ATP8A2: variants seen among roughly 807,000 people sequenced by gnomAD.
The protein encoded by ATP8A2 is phospholipid-transporting ATPase IB.
ATP8A2 carries 100 observed loss-of-function variants against 165.6 expected under a neutral mutation model. The observed-to-expected ratio is 0.60, with a 90% CI of 0.51 to 0.71. The LOEUF (loss-of-function observed/expected upper bound fraction) is 0.71. Ranked by LOEUF, ATP8A2 falls within the 30% of genes least tolerant of loss-of-function variation. The pLI is 0.00. For missense variants in ATP8A2, 1,227 were observed against 1,479.5 expected (o/e 0.83, Z 2.80); for synonymous variants, 543 against 548.8 (o/e 0.99, Z 0.15).
intron 1 of ATP8A2, among the ~76,000 whole-genome samples, chr13:25,432,609 T>A (rs2034646639): frequency 6.6e-6 from 1 of 152,164 alleles, no homozygotes; most frequent in Non-Finnish European, 1.5e-5. Flanking sequence ...CACCCCAGTT[T>A]TATGATGTTC....
At chr13:25,764,548 G>A (rs1264299210) in intron 25 of ATP8A2, among the ~76,000 whole-genome samples, 1 of 152,180 alleles carries the variant, frequency 6.6e-6, no homozygotes, top group African/African-American at 2.4e-5. Context: ...AAGCAGCAGC[G>A]GCAGCAGCCG....
chr13:25,418,489 G>A (rs2034200655), intron 1 of ATP8A2, among the ~76,000 whole-genome samples: 2 of 151,940 alleles, frequency 1.3e-5, no homozygotes, highest in South Asian at 4.2e-4. Context: ...TTTCCAAAAA[G>A]TTAAATCATA....
intron 1 of ATP8A2, among the ~76,000 whole-genome samples, chr13:25,425,790 A>G (rs1427413093): frequency 6.6e-6 from 1 of 152,148 alleles, no homozygotes; most frequent in African/African-American, 2.4e-5. Context: ...GTTAGCCAGG[A>G]TGGTCTCGAT....
intron 25 of ATP8A2, among the ~76,000 whole-genome samples, chr13:25,729,736 A>T (rs2043575945): frequency 6.6e-6 from 1 of 152,156 alleles, no homozygotes; most frequent in Admixed American, 6.5e-5. Context: ...AAAAGCTGAA[A>T]TGTTGATCAG....
At chr13:25,690,984 T>C (rs1172275506) in intron 24 of ATP8A2, among the ~76,000 whole-genome samples, 6 of 152,226 alleles carry the variant, frequency 3.9e-5, no homozygotes, top group Non-Finnish European at 8.8e-5. Context: ...CAAATTGTGC[T>C]GTGTTCATAC....
chr13:25,655,104 G>T (rs55732974), intron 24 of ATP8A2, among the ~76,000 whole-genome samples: 1 of 152,156 alleles, frequency 6.6e-6, no homozygotes, highest in Admixed American at 6.6e-5. Context: ...GAGGAAGTAG[G>T]CACTCACCCA....
chr13:25,686,560 C>A (rs1347163154), intron 24 of ATP8A2, among the ~76,000 whole-genome samples: 9 of 152,140 alleles, frequency 5.9e-5, no homozygotes, highest in Admixed American at 5.2e-4. Flanking sequence ...TCAGAACTCC[C>A]TGACACTGTA....
chr13:25,824,901 C>T (rs537086682), intron 27 of ATP8A2, among the ~76,000 whole-genome samples: 7 of 152,168 alleles, frequency 4.6e-5, no homozygotes, highest in Admixed American at 2.0e-4. Context: ...ACCTCTGCCT[C>T]TGCTTGCCCT....
Position 25,874,440 on chromosome 13 carries a change from A to T in ATP8A2, c.3183+12032A>T, listed in dbSNP as rs939272850. ...CTCCTATTGTATGTTCTCTTAACAC[A>T]GTTTACCTTTCGCTTGTTGTATAAT... On this transcript the variant is annotated intron_variant, in intron 33 of 36. Transcript: ENST00000381655. Among the ~76,000 whole-genome samples, 5 of 152,192 alleles carry T rather than the reference A, an allele frequency of 3.3e-5. No individual in the cohort carries two copies. In the East Asian group the frequency reaches 9.6e-4, roughly 29 times the overall value.
chr13:25,898,932 C>G (rs889632229), intron 33 of ATP8A2, among the ~76,000 whole-genome samples: 1 of 152,194 alleles, frequency 6.6e-6, no homozygotes, highest in African/African-American at 2.4e-5. Flanking sequence ...GTTTGTCACC[C>G]CTTTCTTTGA....
intron 20 of ATP8A2, among the ~76,000 whole-genome samples, chr13:25,578,485 G>T (rs944335102): frequency 1.3e-5 from 2 of 152,130 alleles, no homozygotes; most frequent in Non-Finnish European, 2.9e-5. Flanking sequence ...CTCCTTCTGC[G>T]CAAACGCCTG....
At chr13:26,011,858 C>G (rs1411520007) in intron 35 of ATP8A2, among the ~76,000 whole-genome samples, 1 of 152,080 alleles carries the variant, frequency 6.6e-6, no homozygotes, top group Non-Finnish European at 1.5e-5. Flanking sequence ...TTGCTTGAGC[C>G]CAGGAGTTCG....
intron 25 of ATP8A2, among the ~76,000 whole-genome samples, chr13:25,729,317 C>T (rs190645080): frequency 2.6e-5 from 4 of 152,314 alleles, no homozygotes; most frequent in African/African-American, 7.2e-5. Context: ...CCTCCCTGTC[C>T]TCTGTCTCGC....
chr13:25,416,540 G>T (rs926647724), intron 1 of ATP8A2, among the ~76,000 whole-genome samples: 3 of 152,220 alleles, frequency 2.0e-5, no homozygotes, highest in Non-Finnish European at 4.4e-5. Flanking sequence ...CCTAGATGAT[G>T]TGTTTTCAGA....
chr13:25,748,378 C>A (rs182262165), intron 25 of ATP8A2, among the ~76,000 whole-genome samples: 4 of 152,188 alleles, frequency 2.6e-5, no homozygotes, highest in Admixed American at 2.6e-4. Flanking sequence ...TTTTCTTAGG[C>A]TTTTGGAACT....
At chr13:25,867,722 G>A (rs1347437846) in intron 33 of ATP8A2, among the ~76,000 whole-genome samples, 1 of 152,106 alleles carries the variant, frequency 6.6e-6, no homozygotes, top group Non-Finnish European at 1.5e-5. Context: ...CACTTGCTGG[G>A]GGCTTCCAGG....
intron 24 of ATP8A2, among the ~76,000 whole-genome samples, chr13:25,638,956 A>C (rs1593706129): frequency 6.6e-6 from 1 of 152,332 alleles, no homozygotes; most frequent in Non-Finnish European, 1.5e-5. Flanking sequence ...AATATTCAAC[A>C]TTCTTAAAGA....
At chr13:25,911,624 G>T (rs1164351733) in intron 33 of ATP8A2, among the ~76,000 whole-genome samples, 1 of 152,180 alleles carries the variant, frequency 6.6e-6, no homozygotes, top group Non-Finnish European at 1.5e-5. Flanking sequence ...ATATGGTGAA[G>T]GATAGGACCT....
chr13:25,690,129 G>GT (rs11433711), intron 24 of ATP8A2, among the ~76,000 whole-genome samples: 62,405 of 146,742 alleles, frequency 0.43, 13,292 homozygotes, highest in Middle Eastern at 0.48. Flanking sequence ...TATTTTCAGA[G>GT]TTTTTTTTTT....
Sources: allele counts gnomAD v4.1 joint callset (sites outside exome capture counted in the v4.1 genomes callset), GRCh38; gene constraint gnomAD v4.1.1; transcripts MANE v1.5; gene names NCBI Gene and HGNC (gene_info 2026-07-23, HGNC 2026-07-21).